Variants in SORCS3 observed in about 807,000 individuals in gnomAD.
SORCS3 encodes sortilin related VPS10 domain containing receptor 3, also known as VPS10 domain-containing receptor SorCS3.
A neutral mutation model predicts 146.3 loss-of-function variants in SORCS3; 57 were observed. The ratio of observed to expected loss-of-function variants is 0.39; its 90% CI spans 0.31 to 0.49. The LOEUF (loss-of-function observed/expected upper bound fraction) is 0.49, where lower values mean the gene tolerates loss of function less well. SORCS3 is among the 20% of genes least tolerant of loss of function. SORCS3 has a pLI of 0.92. For missense variants in SORCS3, 1,341 were observed against 1,575.5 expected (o/e 0.85, Z 2.52); for synonymous variants, 653 against 618.5 (o/e 1.06, Z -0.83).
At position 104,947,780 on chromosome 10, in the gene SORCS3, G is replaced by A. The variant is rs181541584; in HGVS notation, c.796-29555G>A. 5.3e-5 allele frequency among the ~76,000 whole-genome samples: 8 copies of A among 152,154 alleles called. No individual in the cohort carries two copies. The Middle Eastern group carries it at 0.014, about 259-fold the overall frequency. On this transcript the variant is annotated intron_variant, in intron 3 of 26. Transcript: ENST00000369701. ...TGGGACTGCAGGCACGTGGCACCAT[G>A]CCTGGCTAATTTTTGTATTTTTAGT...
intron 1 of SORCS3, among the ~76,000 whole-genome samples, chr10:104,703,549 AT>A (rs1180152460): frequency 1.4e-5 from 2 of 147,562 alleles, no homozygotes; most frequent in African/African-American, 4.9e-5. Flanking sequence ...GGAGTTGAAC[AT>A]TGAAAACACA....
chr10:104,851,247 C>G (rs1792781909), intron 2 of SORCS3, among the ~76,000 whole-genome samples: 1 of 152,004 alleles, frequency 6.6e-6, no homozygotes. Context: ...CCTCTTTTTT[C>G]TTCCACTAGG....
chr10:105,019,353 C>T (rs545700475), intron 4 of SORCS3, among the ~76,000 whole-genome samples: 1 of 152,304 alleles, frequency 6.6e-6, no homozygotes, highest in Non-Finnish European at 1.5e-5. Context: ...CTCCATTGCC[C>T]ACACTTCAGG....
At chr10:104,877,235 G>A (rs1382272899) in intron 2 of SORCS3, among the ~76,000 whole-genome samples, 1 of 152,044 alleles carries the variant, frequency 6.6e-6, no homozygotes, top group African/African-American at 2.4e-5. Context: ...CCATTATCCA[G>A]CATGCCTTCT....
intron 9 of SORCS3, among the ~76,000 whole-genome samples, chr10:105,153,073 G>A (rs2056178922): frequency 6.6e-6 from 1 of 152,154 alleles, no homozygotes; most frequent in Admixed American, 6.6e-5. Context: ...ACATAGAACA[G>A]TTCCATTACC....
chr10:104,780,689 G>A (rs2017364432), intron 1 of SORCS3, among the ~76,000 whole-genome samples: 1 of 152,222 alleles, frequency 6.6e-6, no homozygotes, highest in Admixed American at 6.5e-5. Flanking sequence ...GCTAGAATAT[G>A]CTGAATTATG....
chr10:104,746,167 C>T lies in SORCS3; in HGVS notation c.628-96625C>T, dbSNP rs542323719. Among the ~76,000 whole-genome samples the T allele has an allele frequency of 2.6e-4, 38 of 148,050 alleles. No homozygotes were observed. The East Asian group carries it at 5.1e-3, about 20-fold the overall frequency. ...TTTTTTTTTTTTTAAGGTGGAGTCT[C>T]GCTCTGTCACCCAGGTTGGAGTGCA... On this transcript the variant is annotated intron_variant, in intron 1 of 26. Transcript: ENST00000369701.
intron 3 of SORCS3, among the ~76,000 whole-genome samples, chr10:104,967,225 G>A (rs531512635): frequency 1.3e-5 from 2 of 152,172 alleles, no homozygotes; most frequent in Admixed American, 1.3e-4. Context: ...GTTTACTCTG[G>A]CCGTATTCAT....
At chr10:105,090,306 A>T (rs1214385728) in intron 6 of SORCS3, among the ~76,000 whole-genome samples, 1 of 152,102 alleles carries the variant, frequency 6.6e-6, no homozygotes, top group East Asian at 1.9e-4. Context: ...GTCAGACATA[A>T]TTTTAAGCCC....
At chr10:105,013,832 T>C (rs1391195928) in intron 4 of SORCS3, among the ~76,000 whole-genome samples, 1 of 152,054 alleles carries the variant, frequency 6.6e-6, no homozygotes, top group African/African-American at 2.4e-5. Flanking sequence ...GATTTTCTAA[T>C]GCACAGAAAA....
intron 1 of SORCS3, among the ~76,000 whole-genome samples, chr10:104,695,340 G>C (rs893273746): frequency 6.6e-6 from 1 of 151,714 alleles, no homozygotes; most frequent in Non-Finnish European, 1.5e-5. Flanking sequence ...TTTGTTATTT[G>C]CTGGGGGGTT....
intron 4 of SORCS3, among the ~76,000 whole-genome samples, chr10:104,991,851 A>G: frequency 6.6e-6 from 1 of 152,190 alleles, no homozygotes; most frequent in East Asian, 1.9e-4. Context: ...GCCTGCTCTA[A>G]TAACCTCATT....
chr10:104,829,107 A>G (rs920535361), intron 1 of SORCS3, among the ~76,000 whole-genome samples: 1 of 152,216 alleles, frequency 6.6e-6, no homozygotes, highest in Non-Finnish European at 1.5e-5. Context: ...TTTAAACTCA[A>G]GAAGTGTGTT....
rs558595628 is a variant in SORCS3, at chr10:105,063,927, C to T, written c.1028+20799C>T. 1.5e-4 allele frequency among the ~76,000 whole-genome samples: 23 copies of T among 152,346 alleles called. No individual in the cohort carries two copies. In the East Asian group the frequency reaches 2.1e-3, roughly 14 times the overall value. ...GCCTATGCAGCCAGTCGCAGCTCTG[C>T]GGTGTTCCTGTAGTCCTCTCTATGG... On this transcript the variant is annotated intron_variant, in intron 5 of 26. Coordinates refer to ENST00000369701, the MANE Select transcript of SORCS3 (RefSeq NM_014978.3).
intron 20 of SORCS3, among the ~76,000 whole-genome samples, chr10:105,244,132 C>G (rs751577597): frequency 1.3e-5 from 2 of 152,148 alleles, no homozygotes; most frequent in Non-Finnish European, 2.9e-5. Context: ...TTACGTCTTA[C>G]TTTCCAAACA....
intron 1 of SORCS3, among the ~76,000 whole-genome samples, chr10:104,658,506 C>T (rs1251278528): frequency 6.6e-6 from 1 of 152,166 alleles, no homozygotes; most frequent in South Asian, 2.1e-4. Flanking sequence ...GATCTTGGCT[C>T]ACTTGGCTCA....
chr10:104,701,075 G>A (rs1326907276), intron 1 of SORCS3, among the ~76,000 whole-genome samples: 3 of 152,202 alleles, frequency 2.0e-5, no homozygotes, highest in Non-Finnish European at 4.4e-5. Context: ...CTTGGACTAA[G>A]GCTCTTGTAG....
intron 4 of SORCS3, among the ~76,000 whole-genome samples, chr10:105,008,756 C>T (rs2140836): frequency 0.23 from 34,515 of 152,186 alleles, 4,517 homozygotes; most frequent in African/African-American, 0.34. Context: ...AAGCAATTCT[C>T]CTGCCTCAGC....
rs955438026 is a variant in SORCS3, at chr10:105,265,140, A to G, written c.*1766A>G. The G allele has an allele frequency of 6.6e-6, 1 of 152,598 alleles. No individual in the cohort carries two copies. Among genetic ancestry groups the G allele is most frequent in the African/African-American group, 2.4e-5 (1 of 41,432 alleles). 9.5% of individuals were successfully genotyped at this position (152,598 alleles called of 1,614,324 possible). On this transcript the variant is annotated 3_prime_UTR_variant, in exon 27 of 27. Coordinates refer to ENST00000369701, the MANE Select transcript of SORCS3 (RefSeq NM_014978.3). Reference sequence around the variant, plus strand: ...CTATATATACAGTATATGTACATATACTGTTCTTGGTTTTATTGTTCCACT... The same window carrying G: ...CTATATATACAGTATATGTACATATGCTGTTCTTGGTTTTATTGTTCCACT...
Sources: allele counts gnomAD v4.1 joint callset (sites outside exome capture counted in the v4.1 genomes callset), GRCh38; gene constraint gnomAD v4.1.1; transcripts MANE v1.5; gene names NCBI Gene and HGNC (gene_info 2026-07-23, HGNC 2026-07-21).